Variants in TRPV4 observed in about 807,000 individuals in gnomAD.
TRPV4 encodes the protein OSM9-like transient receptor potential channel 4.
In TRPV4, 58 loss-of-function variants were observed where a neutral mutation model predicts 84.1. The observed-to-expected ratio is 0.69, with a 90% CI of 0.56 to 0.86. TRPV4 has a LOEUF of 0.86. Ranked by LOEUF, TRPV4 falls within the 40% of genes least tolerant of loss-of-function variation. The probability of loss-of-function intolerance (pLI) is 0.00; values close to 1 mark genes in which losing one functional copy is unlikely to be tolerated. For missense variants in TRPV4, 879 were observed against 1,181.1 expected (o/e 0.74, Z 3.75); for synonymous variants, 489 against 500.9 (o/e 0.98, Z 0.32).
At chr12:109,797,994 G>T (rs745685738) in intron 6 of TRPV4, among the ~76,000 whole-genome samples, 1 of 152,190 alleles carries the variant, frequency 6.6e-6, no homozygotes, top group Non-Finnish European at 1.5e-5. Context: ...GCTTGGACAG[G>T]TGCTCCTGCC....
intron 1 of TRPV4, among the ~76,000 whole-genome samples, chr12:109,833,148 A>C (rs4635144): frequency 1.3e-5 from 2 of 151,882 alleles, no homozygotes; most frequent in Non-Finnish European, 2.9e-5. Context: ...TAAAACCGAG[A>C]CCCAAAGAGC....
At position 109,803,042 on chromosome 12, in the gene TRPV4, C is replaced by T. The variant is rs373539744; in HGVS notation, c.661G>A (p.Gly221Ser). ...GAGTTAATGAACTCCCTCATGTTGC[C>T]GGTGCGCTCCGCGATGTCCAGCAGC... ...PVLLDIAERT[G>S]NMREFINSPF... The change falls in exon 4 of 16, where the codon GGC becomes AGC. Residue 221 changes from glycine to serine, a missense_variant. Gly to Ser is a moderately conservative substitution (Grantham distance 56). This residue lies in a region of TRPV4 where 521 missense variants were observed against 686.6 expected (regional missense o/e 0.76). Coordinates refer to ENST00000261740, the MANE Select transcript of TRPV4 (RefSeq NM_021625.5). The T allele has an allele frequency of 2.4e-5, 39 of 1,614,034 alleles. 1 individual carries two copies. In the African/African-American group the frequency reaches 3.7e-4, roughly 15 times the overall value.
Position 109,800,708 on chromosome 12 carries a change from C to T in TRPV4, c.763G>A (p.Glu255Lys). The change falls in exon 5 of 16, where the codon GAA becomes AAA. Residue 255 changes from glutamate to lysine, a missense_variant. Physicochemically the swap from Glu to Lys is moderately conservative, Grantham distance 56. Coordinates refer to ENST00000261740, the MANE Select transcript of TRPV4 (RefSeq NM_021625.5). ...TCAGCTCCCTGGGCCACGAGAAGTT[C>T]CACGTAGTGTTTGCAGCGACGCTCA... is the stretch of plus-strand genomic sequence containing the variant. ...AIERRCKHYV[E>K]LLVAQGADVH... 2 of 1,614,142 alleles carry T rather than the reference C, an allele frequency of 1.2e-6. No individual in the cohort carries two copies. Among genetic ancestry groups the T allele is most frequent in the South Asian group, 2.2e-5 (2 of 91,088 alleles).
intron 1 of TRPV4, among the ~76,000 whole-genome samples, chr12:109,825,801 C>T (rs1349825366): frequency 6.6e-6 from 1 of 152,068 alleles, no homozygotes; most frequent in Non-Finnish European, 1.5e-5. Context: ...GGCAGGTGCC[C>T]GTTATGAGTG....
chr12:109,783,635 C>T lies in TRPV4; in HGVS notation c.2602G>A (p.Asp868Asn). 1 of 1,613,736 alleles carries T rather than the reference C, an allele frequency of 6.2e-7. No homozygotes were observed. The highest frequency in any genetic ancestry group is 8.5e-7 in the Non-Finnish European group (1 of 1,179,914). ...GGCTGCAGTCCCTAGAGCGGGGCGT[C>T]ATCAGTCCTCCACTTGCGGGGGTAA... ...QGYPRKWRTD[D>N]APL is the part of the protein sequence containing the mutation. Residue 868 changes from aspartate (D) to asparagine (N), a missense_variant, in exon 16 of 16, where the codon GAC becomes AAC. Coordinates refer to ENST00000261740, the MANE Select transcript of TRPV4 (RefSeq NM_021625.5). This position sits in a 1 kb window ranked among gnomAD's most constrained non-coding sequence, Gnocchi z 4.6.
intron 4 of TRPV4, among the ~76,000 whole-genome samples, chr12:109,802,737 A>G (rs1276994293): frequency 1.3e-5 from 2 of 151,814 alleles, no homozygotes; most frequent in Non-Finnish European, 2.9e-5. Context: ...ATTACAGGTA[A>G]GAGCCACCGC....
At position 109,812,239 on chromosome 12, in the gene TRPV4, G is replaced by A. The variant is rs1891564195; in HGVS notation, c.386+2172C>T. Among the ~76,000 whole-genome samples the A allele has an allele frequency of 2.0e-5, 3 of 152,348 alleles. 1 individual carries two copies. Among genetic ancestry groups the A allele is most frequent in the Middle Eastern group, 3.4e-3 (1 of 294 alleles). ...ATGGGGACCAGACAAGGTGGTCAAG[G>A]GGGCTGGAGGCTCCCTGTCCCCAGC... On this transcript the variant is annotated intron_variant, in intron 2 of 15. Transcript: ENST00000261740.
chr12:109,807,589 A>G (rs1891228113), intron 3 of TRPV4, among the ~76,000 whole-genome samples: 2 of 152,032 alleles, frequency 1.3e-5, no homozygotes. Flanking sequence ...TTGTGAGATC[A>G]CGGCCAGTTT....
chr12:109,808,551 T>A, intron 2 of TRPV4, 83 bp from the exon 3 acceptor site: 1 of 1,427,052 alleles, frequency 7.0e-7, no homozygotes, highest in Non-Finnish European at 9.6e-7. Flanking sequence ...ACCCAGAGAC[T>A]GTGGTGGCGG....
rs747822070 is a variant in TRPV4 at position 109,803,013 on chromosome 12, G to A, written c.690C>T (p.Pro230=). The A allele has an allele frequency of 4.3e-6, 7 of 1,613,984 alleles. No individual in the cohort carries two copies. The Admixed American group carries it at 1.0e-4, about 23-fold the overall frequency. ...CACCTCGATAGTAGATGTCACGGAA[G>A]GGCGAGTTAATGAACTCCCTCATGT... ...TGNMREFINS[P]FRDIYYRGQT... Residue 230 remains proline, a synonymous_variant, in exon 4 of 16, where the codon CCC becomes CCT. Transcript: ENST00000261740.
chr12:109,814,297 A>T lies in TRPV4; in HGVS notation c.386+114T>A. The T allele has an allele frequency of 8.4e-7, 1 of 1,193,268 alleles. No individual in the cohort carries two copies. The allele number at this position is 1,193,268 out of a possible 1,614,324, so 73.9% of individuals were successfully genotyped here. On this transcript the variant is annotated intron_variant, in intron 2 of 15. Coordinates refer to ENST00000261740, the MANE Select transcript of TRPV4 (RefSeq NM_021625.5). This position sits in a 1 kb window ranked among gnomAD's most constrained non-coding sequence, Gnocchi z 5.4. The stretch of plus-strand genomic sequence containing the variant: ...GATGTATGGATGGTTGGATGGACAG[A>T]TGGATGGATGGATGAATCGACGGAT...
Position 109,786,919 on chromosome 12 carries a change from G to C in TRPV4, c.2209-82C>G. ...GCTCTGGTGGCAGAAATGAGACAAC[G>C]GGCCAGGGTGGGCCCAGAACTAGGC... On this transcript the variant is annotated intron_variant, in intron 13 of 15. Transcript: ENST00000261740. The surrounding 1 kb of genome is among the most constrained non-coding windows in gnomAD (Gnocchi z 4.5). The C allele has an allele frequency of 1.3e-6, 2 of 1,589,416 alleles. No homozygotes were observed. The highest frequency in any genetic ancestry group is 2.3e-5 in the South Asian group (2 of 88,782).
chr12:109,827,845 C>A (rs150775710), intron 1 of TRPV4, among the ~76,000 whole-genome samples: 4 of 151,582 alleles, frequency 2.6e-5, no homozygotes, highest in African/African-American at 9.7e-5. Context: ...TATACACATA[C>A]ACATATAGAC....
chr12:109,800,476 TCCAGAGTGCTGCCTGCGCTCATGG>T lies in TRPV4; in HGVS notation c.853+118_853+141del, dbSNP rs1303918558. On this transcript the variant is annotated intron_variant, in intron 5 of 15. Coordinates refer to ENST00000261740, the MANE Select transcript of TRPV4 (RefSeq NM_021625.5). Reference sequence around the variant, plus strand: ...ACCAAGACCAACGTGCAGCCTGTGGTCCAGAGTGCTGCCTGCGCTCATGGCCAGAGTGGCCCTGGGTGTCTGGGT... The same window carrying T: ...ACCAAGACCAACGTGCAGCCTGTGGTCCAGAGTGGCCCTGGGTGTCTGGGT... 1.1e-5 allele frequency: 12 copies of T among 1,066,882 alleles called. 1 individual carries two copies. In the African/African-American group the frequency reaches 1.6e-4, roughly 14 times the overall value. 66.1% of individuals were successfully genotyped at this position (1,066,882 alleles called of 1,614,324 possible).
chr12:109,810,293 A>T (rs1891441136), intron 2 of TRPV4, among the ~76,000 whole-genome samples: 1 of 152,232 alleles, frequency 6.6e-6, no homozygotes, highest in Non-Finnish European at 1.5e-5. Context: ...AATGAATAAG[A>T]GACTAAAGAG....
intron 4 of TRPV4, among the ~76,000 whole-genome samples, chr12:109,801,562 A>G (rs1268713662): frequency 2.6e-5 from 4 of 152,164 alleles, no homozygotes; most frequent in Non-Finnish European, 4.4e-5. Flanking sequence ...CGGAACTGTG[A>G]GTCAATTAAG....
At chr12:109,829,805 G>C (rs1399667326) in intron 1 of TRPV4, among the ~76,000 whole-genome samples, 3 of 152,210 alleles carry the variant, frequency 2.0e-5, no homozygotes, top group Admixed American at 1.3e-4. Context: ...TGCAGTTTAA[G>C]CCCAGGCCTG....
Position 109,783,891 on chromosome 12 carries a change from G to A in TRPV4, c.2459-113C>T. ...CCACAGTGTTCTGAAGGGGGGATGT[G>A]ACTATGCTCATTTTACAGAGGTGGA... On this transcript the variant is annotated intron_variant, in intron 15 of 15. Transcript: ENST00000261740. This position sits in a 1 kb window ranked among gnomAD's most constrained non-coding sequence, Gnocchi z 4.6. The A allele has an allele frequency of 4.7e-6, 6 of 1,286,728 alleles. No individual in the cohort carries two copies. The highest frequency in any genetic ancestry group is 6.5e-6 in the Non-Finnish European group (6 of 924,080). 79.7% of individuals were successfully genotyped at this position (1,286,728 alleles called of 1,614,324 possible).
At chr12:109,811,272 G>A (rs889840382) in intron 2 of TRPV4, among the ~76,000 whole-genome samples, 1 of 152,192 alleles carries the variant, frequency 6.6e-6, no homozygotes, top group African/African-American at 2.4e-5. Flanking sequence ...CCCTCTAAAC[G>A]GAAAGTGCCG....
Sources: gnomAD v4.1 joint callset for allele counts (sites outside exome capture counted in the v4.1 genomes callset) on GRCh38, gnomAD v4.1.1 for gene constraint, gnomAD v4.1.1 regional missense constraint, Gnocchi (gnomAD v3.1) non-coding constraint, MANE v1.5 for transcripts, NCBI Gene and HGNC (gene_info 2026-07-23, HGNC 2026-07-21) for gene names.